The following HPGD variants were observed in gnomAD, a reference collection of about 807,000 sequenced individuals.
HPGD encodes the protein 15-hydroxyprostaglandin dehydrogenase [NAD(+)].
HPGD carries 29 observed loss-of-function variants against 30.0 expected under a neutral mutation model. The ratio of observed to expected loss-of-function variants is 0.97; its 90% confidence interval spans 0.72 to 1.32. The LOEUF is 1.32. HPGD is among the 40% of genes most tolerant of loss of function. The pLI is 0.00. For synonymous variants in HPGD, 99 were observed against 112.4 expected, an observed-to-expected ratio of 0.88 and a Z score of 0.75; for missense variants, 340 against 322.1, an observed-to-expected ratio of 1.06 and a Z score of -0.43.
chr4:174,495,558 C>G lies in HPGD; in HGVS notation c.488G>C (p.Arg163Pro), dbSNP rs763113043. 1 of 1,610,586 alleles carries G rather than the reference C, an allele frequency of 6.2e-7. No homozygotes were observed. ...ASKHGIVGFT[R>P]SAALAANLMN... Reference sequence around the variant, plus strand: ...TTGTTGTAGCCTCACCGCTGCTGAGCGTGTGAATCCAACTATGCCATGCTT... The same window carrying G: ...TTGTTGTAGCCTCACCGCTGCTGAGGGTGTGAATCCAACTATGCCATGCTT... The change falls in exon 5 of 7, where the codon CGC (arginine) becomes CCC (proline). Residue 163 changes from arginine to proline, a missense_variant. Coordinates refer to ENST00000296522, the MANE Select transcript of HPGD (RefSeq NM_000860.6).
At chr4:174,516,457 G>T (rs374009280) in intron 3 of HPGD, among the ~76,000 whole-genome samples, 1 of 152,016 alleles carries the variant, frequency 6.6e-6, no homozygotes, top group Non-Finnish European at 1.5e-5. Flanking sequence ...GGATACAAAG[G>T]GGAACAATAG....
intron 4 of HPGD, among the ~76,000 whole-genome samples, chr4:174,503,047 T>A (rs1455712412): frequency 6.6e-6 from 1 of 152,218 alleles, no homozygotes; most frequent in Admixed American, 6.5e-5. Context: ...CGTTTCTCAG[T>A]AGCCCTCTCA....
upstream of HPGD, chr4:174,522,532 C>G: frequency 1.9e-6 from 2 of 1,080,966 alleles, no homozygotes; most frequent in Non-Finnish European, 2.5e-6. Flanking sequence ...CCTGCGCGCG[C>G]GCGCGTGCAG....
At chr4:174,509,243 C>G (rs1038383215) in intron 3 of HPGD, among the ~76,000 whole-genome samples, 1 of 152,150 alleles carries the variant, frequency 6.6e-6, no homozygotes, top group African/African-American at 2.4e-5. Context: ...TAGAATAATG[C>G]TTACTCTTGA....
chr4:174,498,664 G>A (rs902371494), intron 4 of HPGD, among the ~76,000 whole-genome samples: 24 of 151,820 alleles, frequency 1.6e-4, no homozygotes, highest in African/African-American at 5.8e-4. Flanking sequence ...TAATGTGTAA[G>A]GAACATTCTA....
chr4:174,498,373 C>T (rs985402851), intron 4 of HPGD, among the ~76,000 whole-genome samples: 9 of 151,804 alleles, frequency 5.9e-5, no homozygotes, highest in Admixed American at 2.6e-4. Flanking sequence ...TAAAACTGCA[C>T]GTATTGAAAG....
chr4:174,521,516 A>G (rs1210608779), intron 2 of HPGD, among the ~76,000 whole-genome samples: 3 of 152,230 alleles, frequency 2.0e-5, no homozygotes, highest in Non-Finnish European at 4.4e-5. Flanking sequence ...TTGTATTCTG[A>G]TATGTTTAAA....
At chr4:174,518,810 C>A (rs575202502) in intron 2 of HPGD, among the ~76,000 whole-genome samples, 3 of 152,158 alleles carry the variant, frequency 2.0e-5, no homozygotes, top group Non-Finnish European at 2.9e-5. Flanking sequence ...ACTGTCCAAT[C>A]ACATGTCTAT....
In HPGD at chr4:174,491,809, TA is replaced by T; in HGVS notation, c.*146del. On this transcript the variant is annotated 3_prime_UTR_variant, in exon 7 of 7. Transcript: ENST00000296522. ...ATAACTTTTTATCCATATACTTAAC[TA>T]AAAATTTAGAAAACGTTTATCACCA... is the stretch of plus-strand genomic sequence containing the variant. 1.4e-6 allele frequency: 1 copy of T among 729,448 alleles called. No individual in the cohort carries two copies. The highest frequency in any genetic ancestry group is 2.4e-6 in the Non-Finnish European group (1 of 424,900). The allele number at this position is 729,448 out of a possible 1,614,324, so 45.2% of individuals were successfully genotyped here. A position where few individuals can be genotyped will look rare whatever the true frequency, so the allele number is the denominator to read the frequency against.
Position 174,518,055 on chromosome 4 carries a change from G to A in HPGD, c.240C>T (p.Asp80=). The A allele has an allele frequency of 6.3e-7, 1 of 1,587,450 alleles. No homozygotes were observed. The stretch of plus-strand genomic sequence containing the variant: ...CCAAAATGTCCAGTCTTCCAAAGTG[G>A]TCTACAACTTTTCTAAAAGTGTCTA... ...QLRDTFRKVV[D]HFGRLDILVN... The change falls in exon 3 of 7, where the codon GAC becomes GAT. Residue 80 remains aspartate (D), a synonymous_variant. Coordinates refer to ENST00000296522, the MANE Select transcript of HPGD (RefSeq NM_000860.6).
intron 4 of HPGD, among the ~76,000 whole-genome samples, chr4:174,504,535 T>C (rs376683740): frequency 6.6e-6 from 1 of 152,060 alleles, no homozygotes; most frequent in Non-Finnish European, 1.5e-5. Flanking sequence ...AATTAAATAC[T>C]TAAGAACTGC....
chr4:174,521,624 G>A (rs967652787), intron 2 of HPGD, among the ~76,000 whole-genome samples: 1 of 152,202 alleles, frequency 6.6e-6, no homozygotes, highest in Non-Finnish European at 1.5e-5. Context: ...AATTTTCCAA[G>A]TTTTGTCTGC....
chr4:174,511,848 G>A (rs983784983), intron 3 of HPGD, among the ~76,000 whole-genome samples: 65 of 151,946 alleles, frequency 4.3e-4, no homozygotes, highest in Non-Finnish European at 7.5e-4. Flanking sequence ...GGGTTTCATC[G>A]TGTTAGCCAG....
intron 4 of HPGD, 195 bp from the exon 5 acceptor site, chr4:174,495,819 C>A: frequency 1.7e-6 from 1 of 594,854 alleles, no homozygotes; most frequent in Admixed American, 2.6e-5. Context: ...TGACCCGTGT[C>A]GTCCAGAATT....
At chr4:174,520,842 C>T (rs997876569) in intron 2 of HPGD, among the ~76,000 whole-genome samples, 8 of 152,138 alleles carry the variant, frequency 5.3e-5, no homozygotes, top group African/African-American at 1.9e-4. Context: ...ATTGTGTTTA[C>T]AAATCTGTTC....
At chr4:174,497,568 C>T (rs142600995) in intron 4 of HPGD, among the ~76,000 whole-genome samples, 100 of 51,082 alleles carry the variant, frequency 2.0e-3, no homozygotes, top group African/African-American at 2.6e-3. Context: ...CTTTTTCTTT[C>T]TTTTTTTTTT....
chr4:174,498,708 A>G (rs1734762735), intron 4 of HPGD, among the ~76,000 whole-genome samples: 1 of 131,526 alleles, frequency 7.6e-6, no homozygotes, highest in Non-Finnish European at 1.7e-5. Context: ...TCAAGTTGTT[A>G]ATTGAAGTTT....
chr4:174,507,989 A>C (rs1735270409), intron 4 of HPGD: 5 of 614,094 alleles, frequency 8.1e-6, no homozygotes, highest in South Asian at 3.8e-5. Context: ...TTCTATACTG[A>C]AATGTGAGCA....
intron 4 of HPGD, among the ~76,000 whole-genome samples, chr4:174,498,674 A>G (rs999345897): frequency 6.6e-6 from 1 of 151,738 alleles, no homozygotes; most frequent in African/African-American, 2.4e-5. Flanking sequence ...GGAACATTCT[A>G]TTTTTTTCAA....
Sources: gnomAD v4.1 joint callset for allele counts (sites outside exome capture counted in the v4.1 genomes callset) on GRCh38, gnomAD v4.1.1 for gene constraint, MANE v1.5 for transcripts, NCBI Gene and HGNC (gene_info 2026-07-23, HGNC 2026-07-21) for gene names.